The following PTPRN variants were observed in gnomAD, a reference collection of about 807,000 sequenced individuals.
The protein encoded by PTPRN is receptor-type tyrosine-protein phosphatase-like N.
Under a neutral mutation model 108.5 loss-of-function variants are expected in PTPRN, and 70 were observed. The ratio of observed to expected loss-of-function variants is 0.65; its 90% CI spans 0.53 to 0.79. PTPRN has a LOEUF of 0.79. Ranked by LOEUF, PTPRN falls within the 30% of genes least tolerant of loss-of-function variation. The probability of loss-of-function intolerance (pLI) is 0.00; values close to 1 mark genes in which losing one functional copy is unlikely to be tolerated. For synonymous variants in PTPRN, 496 were observed against 524.6 expected, an observed-to-expected ratio of 0.95 and a Z score of 0.75; for missense variants, 1,136 against 1,295.5, an observed-to-expected ratio of 0.88 and a Z score of 1.89.
In PTPRN at chr2:219,291,000, C is replaced by A; in HGVS notation, c.2730-110G>T. ...GGGGGAGGGGAGGACACTGGGTGACCCGTTGGGGTTGGCTTGGAGAGGGAC... is the reference window on the plus strand; with the variant it reads ...GGGGGAGGGGAGGACACTGGGTGACACGTTGGGGTTGGCTTGGAGAGGGAC... On this transcript the variant is annotated intron_variant, in intron 20 of 22. Transcript: ENST00000295718. The surrounding 1 kb of genome is among the most constrained non-coding windows in gnomAD (Gnocchi z 4.2). 3 of 1,080,450 alleles carry A rather than the reference C, an allele frequency of 2.8e-6. No homozygotes were observed. The highest frequency in any genetic ancestry group is 1.3e-5 in the South Asian group (1 of 76,806). 66.9% of individuals were successfully genotyped at this position (1,080,450 alleles called of 1,614,324 possible).
In PTPRN at chr2:219,290,717, A is replaced by G; in HGVS notation, c.2795-106T>C. 6.7e-7 allele frequency: 1 copy of G among 1,495,788 alleles called. No homozygotes were observed. The allele number at this position is 1,495,788 out of a possible 1,614,324, so 92.7% of individuals were successfully genotyped here. A position where few individuals can be genotyped will look rare whatever the true frequency, so the allele number is the denominator to read the frequency against. On this transcript the variant is annotated intron_variant, in intron 21 of 22. Transcript: ENST00000295718. The surrounding 1 kb of genome is among the most constrained non-coding windows in gnomAD (Gnocchi z 4.2). The stretch of plus-strand genomic sequence containing the variant: ...GGCAAAGAGCCTTGGAGGGCTGGGC[A>G]GAGCCTGGAGGTTGACAACCTGCTC...
intron 18 of PTPRN, 30 bp from the exon 19 acceptor site, chr2:219,295,171 C>T: frequency 6.3e-7 from 1 of 1,594,362 alleles, no homozygotes; most frequent in Non-Finnish European, 8.5e-7. Flanking sequence ...GCCTGAGCGC[C>T]GCGGGCTGCC....
chr2:219,301,725 G>A lies in PTPRN; in HGVS notation c.995-6C>T. Reference sequence around the variant, plus strand: ...CAGCCTCTGCAGAGCCGCATCTGCTGGGAGCCAGACACAGAGCTTAGGGCT... The same window carrying A: ...CAGCCTCTGCAGAGCCGCATCTGCTAGGAGCCAGACACAGAGCTTAGGGCT... On this transcript the variant is annotated splice_region_variant and splice_polypyrimidine_tract_variant and intron_variant, in intron 6 of 22. Transcript: ENST00000295718. The A allele has an allele frequency of 6.2e-7, 1 of 1,605,564 alleles. No individual in the cohort carries two copies.
chr2:219,301,696 C>A lies in PTPRN; in HGVS notation c.1018G>T (p.Ala340Ser), dbSNP rs781122952. 6.2e-7 allele frequency: 1 copy of A among 1,611,618 alleles called. No homozygotes were observed. Among genetic ancestry groups the A allele is most frequent in the African/African-American group, 1.3e-5 (1 of 75,030 alleles). Residue 340 changes from alanine (A) to serine (S), a missense_variant, in exon 7 of 23, where the codon GCT (alanine) becomes TCT (serine). Transcript: ENST00000295718. Reference sequence around the variant, plus strand: ...TCTACCCCATAGCCCGCCAGCACAGCGGCCAGCCTCTGCAGAGCCGCATCT... The same window carrying A: ...TCTACCCCATAGCCCGCCAGCACAGAGGCCAGCCTCTGCAGAGCCGCATCT... ...QPDAALQRLA[A>S]VLAGYGVELR...
Position 219,296,603 on chromosome 2 carries a change from G to T in PTPRN, c.2311-87C>A. Reference sequence around the variant, plus strand: ...TCAGAGCAAGTGGGTCAGGGTCTGAGAAGGCTGGCAGTTCCCCCTTGCTAG... The same window carrying T: ...TCAGAGCAAGTGGGTCAGGGTCTGATAAGGCTGGCAGTTCCCCCTTGCTAG... On this transcript the variant is annotated intron_variant, in intron 16 of 22. Coordinates refer to ENST00000295718, the MANE Select transcript of PTPRN (RefSeq NM_002846.4). This position sits in a 1 kb window ranked among gnomAD's most constrained non-coding sequence, Gnocchi z 6.0. 6.3e-7 allele frequency: 1 copy of T among 1,575,854 alleles called. No individual in the cohort carries two copies. The highest frequency in any genetic ancestry group is 8.7e-7 in the Non-Finnish European group (1 of 1,148,590).
Position 219,296,119 on chromosome 2 carries a change from T to TTTTTAAAAAGTC in PTPRN, c.2508+106_2508+107insGACTTTTTAAAA. 6.6e-7 allele frequency: 1 copy of TTTTTAAAAAGTC among 1,518,706 alleles called. No individual in the cohort carries two copies. The highest frequency in any genetic ancestry group is 9.0e-7 in the Non-Finnish European group (1 of 1,111,152). 94.1% of individuals were successfully genotyped at this position (1,518,706 alleles called of 1,614,324 possible). On this transcript the variant is annotated intron_variant, in intron 18 of 22. Transcript: ENST00000295718. The surrounding 1 kb of genome is among the most constrained non-coding windows in gnomAD (Gnocchi z 6.0). Reference sequence around the variant, plus strand: ...ATCATGAGCAGGGCCAATAAAAGCCTTTTTAAAAAGACTGTTGAGTGCTCA... The same window carrying TTTTTAAAAAGTC: ...ATCATGAGCAGGGCCAATAAAAGCCTTTTTAAAAAGTCTTTTAAAAAGACTGTTGAGTGCTCA...
rs1175823455 is a variant in PTPRN, at chr2:219,294,365, G to A, written c.2675+610C>T. Among the ~76,000 whole-genome samples, 5 of 151,626 alleles carry A rather than the reference G, an allele frequency of 3.3e-5. No individual in the cohort carries two copies. The South Asian group carries it at 6.3e-4, about 19-fold the overall frequency. ...AGGGCAGAGAGAAAGGAAGAGAAGCGCGGAGAGGGAGAAATGGAGAGAGAG... is the reference window on the plus strand; with the variant it reads ...AGGGCAGAGAGAAAGGAAGAGAAGCACGGAGAGGGAGAAATGGAGAGAGAG... On this transcript the variant is annotated intron_variant, in intron 19 of 22. Coordinates refer to ENST00000295718, the MANE Select transcript of PTPRN (RefSeq NM_002846.4).
At chr2:219,309,180 C>T (rs1559307867) in intron 1 of PTPRN, 38 bp downstream of exon 1, 6 of 1,382,894 alleles carry the variant, frequency 4.3e-6, no homozygotes, top group Non-Finnish European at 5.0e-6. Flanking sequence ...AGCTGCTCCC[C>T]GCCCCCCACC....
intron 12 of PTPRN, 105 bp from the exon 13 acceptor site, chr2:219,298,208 G>T: frequency 9.1e-7 from 1 of 1,099,250 alleles, no homozygotes; most frequent in Non-Finnish European, 1.3e-6. Flanking sequence ...ACATCTCCTG[G>T]GGCAAAGCTG....
At chr2:219,303,595 T>G (rs777008419) in intron 4 of PTPRN, 140 bp downstream of exon 4, 40 of 765,000 alleles carry the variant, frequency 5.2e-5, no homozygotes, top group Non-Finnish European at 8.8e-5. Context: ...TGTCAGAGAG[T>G]GACCATTCCT....
At position 219,296,303 on chromosome 2, in the gene PTPRN, G is replaced by T; in HGVS notation, c.2431C>A (p.Pro811Thr). 1.2e-6 allele frequency: 2 copies of T among 1,614,084 alleles called. No individual in the cohort carries two copies. The highest frequency in any genetic ancestry group is 8.5e-7 in the Non-Finnish European group (1 of 1,180,032). ...TGCTTGACACCATCCTCCACCAGCG[G>T]GGTCAGCATGACGATGACGGTGCAG... ...SGCTVIVMLT[P>T]LVEDGVKQCD... Residue 811 changes from proline (P) to threonine (T), a missense_variant, in exon 18 of 23, where the codon CCG (proline) becomes ACG (threonine). Physicochemically the swap from Pro to Thr is conservative, Grantham distance 38. Coordinates refer to ENST00000295718, the MANE Select transcript of PTPRN (RefSeq NM_002846.4). This position sits in a 1 kb window ranked among gnomAD's most constrained non-coding sequence, Gnocchi z 6.0.
In PTPRN at chr2:219,296,058, G is replaced by A; in HGVS notation, c.2508+168C>T. The A allele has an allele frequency of 2.3e-6, 2 of 872,030 alleles. No individual in the cohort carries two copies. The highest frequency in any genetic ancestry group is 3.6e-6 in the Non-Finnish European group (2 of 561,900). 54.0% of individuals were successfully genotyped at this position (872,030 alleles called of 1,614,324 possible). A position where few individuals can be genotyped will look rare whatever the true frequency, so the allele number is the denominator to read the frequency against. On this transcript the variant is annotated intron_variant, in intron 18 of 22. Transcript: ENST00000295718. The surrounding 1 kb of genome is among the most constrained non-coding windows in gnomAD (Gnocchi z 6.0). ...TGTATATATGTGAATATATGGGTAT[G>A]CATATATGTGTTTATATATATTCAT...
intron 19 of PTPRN, 90 bp downstream of exon 19, chr2:219,294,885 C>T: frequency 7.7e-7 from 1 of 1,306,044 alleles, no homozygotes; most frequent in Non-Finnish European, 1.0e-6. Context: ...AGGCTCCAGG[C>T]CCGACCCGGG....
At position 219,309,284 on chromosome 2, in the gene PTPRN, G is replaced by GGAGACCCCCGGATCCCCC; in HGVS notation, c.31_48dup (p.Gly11_Leu16dup). ...AGCAGCAGGAGGCAGAGGAGCAGCC[G>GGAGACCCCCGGATCCCCC]GAGACCCCCGGATCCCCCGAGACCC... On this transcript the variant is annotated inframe_insertion, in exon 1 of 23. Transcript: ENST00000295718. 6.6e-7 allele frequency: 1 copy of GGAGACCCCCGGATCCCCC among 1,508,526 alleles called. No homozygotes were observed. The highest frequency in any genetic ancestry group is 8.8e-7 in the Non-Finnish European group (1 of 1,130,142). The allele number at this position is 1,508,526 out of a possible 1,614,324, so 93.4% of individuals were successfully genotyped here. A position where few individuals can be genotyped will look rare whatever the true frequency, so the allele number is the denominator to read the frequency against.
chr2:219,297,953 G>T lies in PTPRN; in HGVS notation c.1819C>A (p.Gln607Lys), dbSNP rs750897632. 8.1e-6 allele frequency: 13 copies of T among 1,613,540 alleles called. No homozygotes were observed. Among genetic ancestry groups the T allele is most frequent in the African/African-American group, 2.7e-5 (2 of 74,924 alleles). Residue 607 changes from glutamine (Q) to lysine (K), a missense_variant, in exon 13 of 23, where the codon CAA (glutamine) becomes AAA (lysine). Gln to Lys is a moderately conservative substitution (Grantham distance 53). Transcript: ENST00000295718. This position sits in a 1 kb window ranked among gnomAD's most constrained non-coding sequence, Gnocchi z 6.0. ...ALCVRQHARQ[Q>K]DKERLAALGP... ...AGGGCTGCCAGGCGCTCCTTGTCTT[G>T]CTGCCGCGCATGCTGCCGCACACAC...
At chr2:219,300,289 C>G in intron 8 of PTPRN, 30 bp from the exon 9 acceptor site, 3 of 1,527,288 alleles carry the variant, frequency 2.0e-6, no homozygotes, top group Non-Finnish European at 2.6e-6. Context: ...GGTGTGGCCT[C>G]TGGACAGTGC....
chr2:219,304,132 AG>A (rs1217157123), intron 3 of PTPRN: 10 of 235,488 alleles, frequency 4.2e-5, no homozygotes, highest in Middle Eastern at 1.4e-3. Flanking sequence ...TATACCTCCT[AG>A]GATTGTTATT....
chr2:219,294,125 T>C, intron 19 of PTPRN: 1 of 531,780 alleles, frequency 1.9e-6, no homozygotes, highest in Non-Finnish European at 3.9e-6. Context: ...CACCTGCCAA[T>C]GATCACTTTT....
At position 219,296,177 on chromosome 2, in the gene PTPRN, A is replaced by G. The variant is rs774515043; in HGVS notation, c.2508+49T>C. 2 of 1,604,894 alleles carry G rather than the reference A, an allele frequency of 1.2e-6. No homozygotes were observed. The highest frequency in any genetic ancestry group is 1.7e-6 in the Non-Finnish European group (2 of 1,172,144). On this transcript the variant is annotated intron_variant, in intron 18 of 22. Transcript: ENST00000295718. This position sits in a 1 kb window ranked among gnomAD's most constrained non-coding sequence, Gnocchi z 6.0. ...AAGAAAACGTTACGAAAAGGCCATC[A>G]TCTACTCTTCCCACATCCATTGTCC...
Sources: allele counts gnomAD v4.1 joint callset (sites outside exome capture counted in the v4.1 genomes callset), GRCh38; gene constraint gnomAD v4.1.1; non-coding constraint Gnocchi (gnomAD v3.1); transcripts MANE v1.5; gene names NCBI Gene and HGNC (gene_info 2026-07-23, HGNC 2026-07-21).